The following VTI1A variants were observed in gnomAD, a reference collection of about 807,000 sequenced individuals.
VTI1A encodes vesicle transport through interaction with t-SNAREs 1A, also known as vesicle transport through interaction with t-SNAREs homolog 1A.
Under a neutral mutation model 34.9 loss-of-function variants are expected in VTI1A, and 22 were observed. The observed-to-expected ratio is 0.63, with a 90% CI of 0.45 to 0.90. The LOEUF (loss-of-function observed/expected upper bound fraction) is 0.90, where lower values mean the gene tolerates loss of function less well. Among genes scored for constraint, VTI1A ranks in the 40% least tolerant of loss-of-function variants. The probability of loss-of-function intolerance (pLI) is 0.00; values close to 1 mark genes in which losing one functional copy is unlikely to be tolerated. For missense variants in VTI1A, 268 were observed against 275.6 expected, an observed-to-expected ratio of 0.97 and a Z score of 0.20; for synonymous variants, 87 against 97.3, an observed-to-expected ratio of 0.89 and a Z score of 0.62.
At chr10:112,611,724 G>T (rs1845315610) in intron 5 of VTI1A, among the ~76,000 whole-genome samples, 1 of 137,512 alleles carries the variant, frequency 7.3e-6, no homozygotes, top group Non-Finnish European at 1.6e-5. Context: ...AAGCCCATTT[G>T]GTGAGAAAGG....
chr10:112,501,832 A>T (rs1849252985), intron 3 of VTI1A, among the ~76,000 whole-genome samples: 1 of 152,158 alleles, frequency 6.6e-6, no homozygotes, highest in African/African-American at 2.4e-5. Flanking sequence ...ATAATGCATG[A>T]GTTTATAACA....
intron 5 of VTI1A, among the ~76,000 whole-genome samples, chr10:112,572,887 A>G (rs1222930244): frequency 6.6e-6 from 1 of 151,856 alleles, no homozygotes; most frequent in Non-Finnish European, 1.5e-5. Context: ...TCAGGAAACC[A>G]TGAACTGTAT....
intron 7 of VTI1A, among the ~76,000 whole-genome samples, chr10:112,708,897 C>CTT (rs1384651401): frequency 6.6e-6 from 1 of 152,222 alleles, no homozygotes; most frequent in African/African-American, 2.4e-5. Flanking sequence ...GTTACACAGT[C>CTT]TGTCTCCTAA....
intron 5 of VTI1A, among the ~76,000 whole-genome samples, chr10:112,578,908 T>C (rs1843815012): frequency 6.6e-6 from 1 of 152,262 alleles, no homozygotes; most frequent in African/African-American, 2.4e-5. Flanking sequence ...GGTGATATAC[T>C]TGTCATTGTC....
chr10:112,768,086 G>T (rs550047992), intron 7 of VTI1A, among the ~76,000 whole-genome samples: 1 of 152,144 alleles, frequency 6.6e-6, no homozygotes, highest in African/African-American at 2.4e-5. Context: ...TCCCTGCCCC[G>T]CATATTCCAC....
intron 5 of VTI1A, among the ~76,000 whole-genome samples, chr10:112,614,958 A>G (rs184325457): frequency 2.6e-5 from 4 of 152,280 alleles, no homozygotes; most frequent in Non-Finnish European, 5.9e-5. Context: ...TAGCTTTTAA[A>G]TAGAATCATA....
At chr10:112,630,054 GT>G (rs1309462958) in intron 5 of VTI1A, among the ~76,000 whole-genome samples, 1 of 152,138 alleles carries the variant, frequency 6.6e-6, no homozygotes, top group Admixed American at 6.5e-5. Context: ...AAAGGTGTTT[GT>G]TTTTTTCTCG....
At chr10:112,553,343 C>G (rs1406587812) in intron 5 of VTI1A, among the ~76,000 whole-genome samples, 1 of 152,142 alleles carries the variant, frequency 6.6e-6, no homozygotes, top group East Asian at 1.9e-4. Flanking sequence ...TCTTAGTTTT[C>G]AAATGTATAA....
chr10:112,679,145 G>A (rs1199660823), intron 7 of VTI1A, among the ~76,000 whole-genome samples: 1 of 152,028 alleles, frequency 6.6e-6, no homozygotes, highest in Non-Finnish European at 1.5e-5. Flanking sequence ...CAGCATTTAA[G>A]GACAGACTCC....
At chr10:112,641,044 T>A (rs1248058102) in intron 5 of VTI1A, among the ~76,000 whole-genome samples, 1 of 151,872 alleles carries the variant, frequency 6.6e-6, no homozygotes, top group Admixed American at 6.6e-5. Flanking sequence ...TGTTGTCTTG[T>A]GACTATTACA....
chr10:112,548,783 G>T, intron 5 of VTI1A: 10 of 1,490,856 alleles, frequency 6.7e-6, no homozygotes, highest in Non-Finnish European at 9.1e-6. Context: ...ACACACATGG[G>T]CTTGCCAGGA....
intron 2 of VTI1A, among the ~76,000 whole-genome samples, chr10:112,463,513 T>G (rs1308994931): frequency 2.0e-5 from 3 of 152,144 alleles, no homozygotes; most frequent in African/African-American, 7.2e-5. Flanking sequence ...GCCTATGATG[T>G]CAACGTAAGA....
chr10:112,799,713 C>T (rs1852807966), intron 7 of VTI1A, among the ~76,000 whole-genome samples: 2 of 152,146 alleles, frequency 1.3e-5, no homozygotes, highest in African/African-American at 4.8e-5. Flanking sequence ...CCAGAGTTCA[C>T]CTGCGCAGAT....
In VTI1A at chr10:112,527,243, T is replaced by C. The variant is rs1388202273; in HGVS notation, c.342+79T>C. The C allele has an allele frequency of 4.8e-6, 6 of 1,262,398 alleles. No homozygotes were observed. In the East Asian group the frequency reaches 1.4e-4, roughly 30 times the overall value. 78.2% of individuals were successfully genotyped at this position (1,262,398 alleles called of 1,614,324 possible). On this transcript the variant is annotated intron_variant, in intron 4 of 7. Coordinates refer to ENST00000393077, the MANE Select transcript of VTI1A (RefSeq NM_145206.4). ...CTGGCGCACTGGGCTCTCAAGCTGC[T>C]CCTTAACGGTATTAGCAGCAACTCA...
chr10:112,777,002 T>C (rs1392132570), intron 7 of VTI1A, among the ~76,000 whole-genome samples: 2 of 152,132 alleles, frequency 1.3e-5, no homozygotes, highest in East Asian at 3.9e-4. Flanking sequence ...TTAAAAGCCA[T>C]TTTTCTTGAG....
At chr10:112,740,080 A>T (rs775593685) in intron 7 of VTI1A, among the ~76,000 whole-genome samples, 1 of 152,212 alleles carries the variant, frequency 6.6e-6, no homozygotes, top group Non-Finnish European at 1.5e-5. Flanking sequence ...TTGTTTTTAA[A>T]CGTTTAGAAA....
At chr10:112,626,636 A>C (rs1845933928) in intron 5 of VTI1A, among the ~76,000 whole-genome samples, 2 of 152,116 alleles carry the variant, frequency 1.3e-5, no homozygotes, top group Admixed American at 1.3e-4. Flanking sequence ...CTTAAAACCA[A>C]CTCTAGCCGC....
chr10:112,596,964 T>C (rs1163699004), intron 5 of VTI1A, among the ~76,000 whole-genome samples: 1 of 152,224 alleles, frequency 6.6e-6, no homozygotes. Context: ...TCTTTCTTTT[T>C]AAATTAGTTT....
intron 7 of VTI1A, among the ~76,000 whole-genome samples, chr10:112,773,638 A>G (rs1224845926): frequency 6.6e-6 from 1 of 152,234 alleles, no homozygotes; most frequent in East Asian, 1.9e-4. Flanking sequence ...TGGGTCCAGT[A>G]TCTGGCAGAA....
Sources: gnomAD v4.1 joint callset for allele counts (sites outside exome capture counted in the v4.1 genomes callset) on GRCh38, gnomAD v4.1.1 for gene constraint, MANE v1.5 for transcripts, NCBI Gene and HGNC (gene_info 2026-07-23, HGNC 2026-07-21) for gene names.